CKM: variants seen among roughly 807,000 people sequenced by gnomAD.
CKM encodes the protein creatine kinase, M-type.
CKM carries 28 observed loss-of-function variants against 35.4 expected under a neutral mutation model. The ratio of observed to expected loss-of-function variants is 0.79; its 90% CI spans 0.59 to 1.08. The LOEUF (loss-of-function observed/expected upper bound fraction) is 1.08, where lower values mean the gene tolerates loss of function less well. Ranked by LOEUF, CKM falls within the 50% of genes least tolerant of loss-of-function variation. CKM has a pLI of 0.00. For missense variants in CKM, 484 were observed against 509.8 expected (o/e 0.95, Z 0.49); for synonymous variants, 215 against 204.4 (o/e 1.05, Z -0.44).
At chr19:45,316,980 C>G (rs12983944) in intron 3 of CKM, among the ~76,000 whole-genome samples, 34,381 of 151,920 alleles carry the variant, frequency 0.23, 4,544 homozygotes, top group South Asian at 0.33. Context: ...CCACTGTGCC[C>G]GGCTATGCCT....
chr19:45,307,315 T>C, intron 7 of CKM, 146 bp downstream of exon 7: 2 of 717,092 alleles, frequency 2.8e-6, no homozygotes, highest in Non-Finnish European at 2.4e-6. Flanking sequence ...TTGACACCCA[T>C]TTTACAGAGG....
Position 45,306,874 on chromosome 19 carries a change from C to CGAT in CKM, c.1019_1021dup (p.Asp340_Arg341insHis). The CGAT allele has an allele frequency of 6.2e-7, 1 of 1,614,192 alleles. No homozygotes were observed. The highest frequency in any genetic ancestry group is 8.5e-7 in the Non-Finnish European group (1 of 1,180,040). On this transcript the variant is annotated inframe_insertion, in exon 8 of 8. Coordinates refer to ENST00000221476, the MANE Select transcript of CKM (RefSeq NM_001824.5). The surrounding 1 kb of genome is among the most constrained non-coding windows in gnomAD (Gnocchi z 4.5). Reference sequence around the variant, plus strand: ...CTGTTCTACTTCGGACGAGCCCAGCCGATCAGCGTTGGACACGTCAAATAC... The same window carrying CGAT: ...CTGTTCTACTTCGGACGAGCCCAGCCGATGATCAGCGTTGGACACGTCAAATAC...
At chr19:45,309,094 GGC>G (rs1971083049) in intron 5 of CKM, among the ~76,000 whole-genome samples, 1 of 151,908 alleles carries the variant, frequency 6.6e-6, no homozygotes, top group Non-Finnish European at 1.5e-5. Context: ...TGGGCATGGT[GGC>G]GGGCATCTGT....
intron 6 of CKM, 81 bp downstream of exon 6, chr19:45,308,327 TA>T (rs1410702951): frequency 1.2e-5 from 19 of 1,552,518 alleles, no homozygotes; most frequent in African/African-American, 5.6e-5. Flanking sequence ...GGGCTTAGTA[TA>T]GGGGAAGGGG....
Position 45,307,628 on chromosome 19 carries a change from G to T in CKM, c.800C>A (p.Ala267Asp), listed in dbSNP as rs138693691. Residue 267 changes from alanine (A) to aspartate (D), a missense_variant, in exon 7 of 8, where the codon GCT becomes GAT. Ala to Asp is a moderately radical substitution (Grantham distance 126, BLOSUM62 -2). Coordinates refer to ENST00000221476, the MANE Select transcript of CKM (RefSeq NM_001824.5). ...CTGGTTCCACATGAAGGGGTGGCCA[G>T]CTTTCTTAAAGATCTCCTCAATCTG... ...LQKIEEIFKK[A>D]GHPFMWNQHL... The T allele has an allele frequency of 2.3e-5, 37 of 1,613,892 alleles. No individual in the cohort carries two copies. The highest frequency in any genetic ancestry group is 3.0e-5 in the Non-Finnish European group (35 of 1,180,024).
rs756574362 is a variant in CKM, at chr19:45,306,763, G to C, written c.1133C>G (p.Pro378Arg). ...GTGGGCAGGCGCCTACTTCTGGGCGGGGATCATGTCGTCAATGGACTGGCC... is the reference window on the plus strand; with the variant it reads ...GTGGGCAGGCGCCTACTTCTGGGCGCGGATCATGTCGTCAATGGACTGGCC... The part of the protein sequence containing the change: ...EKGQSIDDMI[P>R]AQK The change falls in exon 8 of 8, where the codon CCC (proline) becomes CGC (arginine). Residue 378 changes from proline (P) to arginine (R), a missense_variant. By Grantham distance (103) the Pro-to-Arg change is moderately radical. Coordinates refer to ENST00000221476, the MANE Select transcript of CKM (RefSeq NM_001824.5). This position sits in a 1 kb window ranked among gnomAD's most constrained non-coding sequence, Gnocchi z 4.5. 3 of 1,614,158 alleles carry C rather than the reference G, an allele frequency of 1.9e-6. No homozygotes were observed. In the South Asian group the frequency reaches 3.3e-5, roughly 18 times the overall value.
chr19:45,321,693 A>G (rs1971214733), intron 1 of CKM, among the ~76,000 whole-genome samples: 1 of 152,088 alleles, frequency 6.6e-6, no homozygotes. Flanking sequence ...TCCTGGCCTC[A>G]AGTGATCCTC....
In CKM at chr19:45,317,979, C is replaced by T. The variant is rs533543986; in HGVS notation, c.194G>A (p.Gly65Asp). The change falls in exon 3 of 8, where the codon GGT (glycine) becomes GAT (aspartate). Residue 65 changes from glycine (G) to aspartate (D), a missense_variant and splice_region_variant. Transcript: ENST00000221476. Reference sequence around the variant, plus strand: ...GCCCACGGTCATGATGAAGGGGTGACCTGGAGGGGTGGGGGTGAGGTCAGA... The same window carrying T: ...GCCCACGGTCATGATGAAGGGGTGATCTGGAGGGGTGGGGGTGAGGTCAGA... ...DVIQTGVDNPGHPFIMTVGCV... is the reference protein window; with the variant it reads ...DVIQTGVDNPDHPFIMTVGCV... The T allele has an allele frequency of 6.2e-7, 1 of 1,613,858 alleles. No individual in the cohort carries two copies. The highest frequency in any genetic ancestry group is 1.3e-5 in the African/African-American group (1 of 75,002).
intron 4 of CKM, 135 bp from the exon 5 acceptor site, chr19:45,312,055 C>T (rs568625979): frequency 1.3e-3 from 1,302 of 971,474 alleles, no homozygotes; most frequent in Non-Finnish European, 1.9e-3. Flanking sequence ...GCACCTGAAC[C>T]CTGTGTCTAA....
At chr19:45,322,568 C>T (rs17875642) in intron 1 of CKM, among the ~76,000 whole-genome samples, 10,172 of 152,178 alleles carry the variant, frequency 0.067, 479 homozygotes, top group Non-Finnish European at 0.089. Context: ...CCTTTCATCT[C>T]GGATCCCTCC....
intron 5 of CKM, 60 bp downstream of exon 5, chr19:45,311,689 C>T (rs17875617): frequency 0.063 from 89,050 of 1,409,712 alleles, 3,280 homozygotes; most frequent in Middle Eastern, 0.12. Flanking sequence ...TGAGGAGGGC[C>T]GTTGCAGGAC....
At chr19:45,307,227 G>A (rs762747115) in intron 7 of CKM, among the ~76,000 whole-genome samples, 1 of 152,198 alleles carries the variant, frequency 6.6e-6, no homozygotes, top group African/African-American at 2.4e-5. Flanking sequence ...CTGAGGCCCC[G>A]AGGGAGGTCC....
Position 45,307,574 on chromosome 19 carries a change from G to C in CKM, c.854C>G (p.Ser285Cys). The change falls in exon 7 of 8, where the codon TCC becomes TGC. Residue 285 changes from serine (S) to cysteine (C), a missense_variant. Physicochemically the swap from Ser to Cys is moderately radical, Grantham distance 112. Transcript: ENST00000221476. ...QHLGYVLTCP[S>C]NLGTGLRGGV... ...TCCACGCAGCCCAGTGCCCAGGTTG[G>C]ATGGGCAGGTGAGCACGTAGCCCAG... 1 of 1,614,110 alleles carries C rather than the reference G, an allele frequency of 6.2e-7. No individual in the cohort carries two copies. The highest frequency in any genetic ancestry group is 1.3e-5 in the African/African-American group (1 of 75,052).
At chr19:45,314,998 G>A (rs889652498) in intron 4 of CKM, among the ~76,000 whole-genome samples, 2 of 152,124 alleles carry the variant, frequency 1.3e-5, no homozygotes, top group Non-Finnish European at 2.9e-5. Context: ...CACTGTGCCC[G>A]GCCTCAACTC....
At chr19:45,310,266 G>T (rs980210777) in intron 5 of CKM, among the ~76,000 whole-genome samples, 1 of 151,688 alleles carries the variant, frequency 6.6e-6, no homozygotes, top group South Asian at 2.1e-4. Flanking sequence ...GACTACAGGC[G>T]CCTGCCACCA....
chr19:45,315,661 TC>T, intron 3 of CKM, 64 bp from the exon 4 acceptor site: 1 of 1,580,168 alleles, frequency 6.3e-7, no homozygotes, highest in South Asian at 1.1e-5. Flanking sequence ...AGCCCAGGTC[TC>T]CCCCAGATGC....
chr19:45,320,495 CCT>C (rs1971203619), intron 1 of CKM, among the ~76,000 whole-genome samples: 2 of 152,318 alleles, frequency 1.3e-5, no homozygotes, highest in South Asian at 4.1e-4. Context: ...TCTCTGAGCC[CCT>C]GTGTCTCAGC....
chr19:45,308,791 T>G (rs1971080107), intron 5 of CKM, among the ~76,000 whole-genome samples: 1 of 152,140 alleles, frequency 6.6e-6, no homozygotes, highest in African/African-American at 2.4e-5. Flanking sequence ...ATCCTTGGGA[T>G]CTCAGGATGT....
intron 4 of CKM, 124 bp from the exon 5 acceptor site, chr19:45,312,044 G>A (rs1440552639): frequency 6.6e-6 from 7 of 1,063,926 alleles, no homozygotes; most frequent in Non-Finnish European, 9.9e-6. Flanking sequence ...ATGTCCTAAA[G>A]GCACCTGAAC....
Sources: allele counts gnomAD v4.1 joint callset (sites outside exome capture counted in the v4.1 genomes callset), GRCh38; gene constraint gnomAD v4.1.1; non-coding constraint Gnocchi (gnomAD v3.1); transcripts MANE v1.5; gene names NCBI Gene and HGNC (gene_info 2026-07-23, HGNC 2026-07-21).